The following TFPI variants were observed in gnomAD, a reference collection of about 807,000 sequenced individuals.
TFPI encodes anti-convertin.
A neutral mutation model predicts 34.6 loss-of-function variants in TFPI; 15 were observed. The ratio of observed to expected loss-of-function variants is 0.43; its 90% CI spans 0.29 to 0.67. The LOEUF is 0.67. TFPI is among the 30% of genes least tolerant of loss of function. The pLI, the probability that TFPI is intolerant of heterozygous loss-of-function variation, is 0.15. For missense variants in TFPI, 301 were observed against 364.0 expected, an observed-to-expected ratio of 0.83 and a Z score of 1.41; for synonymous variants, 105 against 120.1, an observed-to-expected ratio of 0.87 and a Z score of 0.82.
intron 1 of TFPI, among the ~76,000 whole-genome samples, chr2:187,504,595 A>G (rs1392986257): frequency 6.6e-6 from 1 of 151,906 alleles, no homozygotes; most frequent in Non-Finnish European, 1.5e-5. Flanking sequence ...AGAAAGAAGT[A>G]AGTCACCTTT....
chr2:187,488,782 C>T (rs990286569), intron 3 of TFPI, among the ~76,000 whole-genome samples: 5 of 151,350 alleles, frequency 3.3e-5, no homozygotes, highest in Non-Finnish European at 5.9e-5. Flanking sequence ...GTGAAATTAA[C>T]CAGAATTATT....
intron 3 of TFPI, among the ~76,000 whole-genome samples, chr2:187,496,108 T>C (rs1274343361): frequency 6.6e-6 from 1 of 152,184 alleles, no homozygotes; most frequent in Admixed American, 6.5e-5. Context: ...TTGAAATTTA[T>C]AACTTAGTAA....
chr2:187,514,991 C>G (rs956763610), intron 1 of TFPI: 2 of 152,244 alleles, frequency 1.3e-5, no homozygotes, highest in African/African-American at 4.8e-5. Context: ...TCGGCCCTAG[C>G]CCTGGGGCTA....
At chr2:187,550,870 C>T (rs1451373480) in intron 1 of TFPI, among the ~76,000 whole-genome samples, 1 of 151,838 alleles carries the variant, frequency 6.6e-6, no homozygotes, top group African/African-American at 2.4e-5. Context: ...GTTTTTAAGC[C>T]TTGGGAAATG....
In TFPI at chr2:187,465,037, AAAG is replaced by A. The variant is rs1337343181; in HGVS notation, c.*1896_*1898del. The stretch of plus-strand genomic sequence containing the variant: ...TACAGTGAGCATTCTTAACTAAATC[AAAG>A]TAGTCATGAAAGAAAGTACTGTTGG... On this transcript the variant is annotated 3_prime_UTR_variant, in exon 8 of 8. Transcript: ENST00000233156. 1.3e-5 allele frequency: 2 copies of A among 152,190 alleles called. No individual in the cohort carries two copies. Among genetic ancestry groups the A allele is most frequent in the African/African-American group, 4.8e-5 (2 of 41,456 alleles). The allele number at this position is 152,190 out of a possible 1,614,324, so 9.4% of individuals were successfully genotyped here.
intron 1 of TFPI, among the ~76,000 whole-genome samples, chr2:187,523,052 T>G (rs541903491): frequency 6.6e-6 from 1 of 152,138 alleles, no homozygotes; most frequent in African/African-American, 2.4e-5. Flanking sequence ...TAACAAAAAA[T>G]GTGCATGTTT....
At chr2:187,469,685 C>T (rs1275083445) in intron 6 of TFPI, among the ~76,000 whole-genome samples, 1 of 152,106 alleles carries the variant, frequency 6.6e-6, no homozygotes, top group Non-Finnish European at 1.5e-5. Context: ...TCATGTTGTA[C>T]ATTAGATCTC....
At chr2:187,511,755 T>A (rs925631115) in intron 1 of TFPI, among the ~76,000 whole-genome samples, 3 of 151,756 alleles carry the variant, frequency 2.0e-5, no homozygotes, top group Non-Finnish European at 4.4e-5. Flanking sequence ...TGGTTTTAGA[T>A]CCGCCTCACA....
At chr2:187,506,577 C>T (rs956163352) in intron 1 of TFPI, among the ~76,000 whole-genome samples, 5 of 152,120 alleles carry the variant, frequency 3.3e-5, no homozygotes, top group African/African-American at 9.7e-5. Context: ...GTTGTCATCT[C>T]TCCTTAAGTT....
At chr2:187,473,943 A>C (rs1006637327) in intron 6 of TFPI, among the ~76,000 whole-genome samples, 6 of 152,092 alleles carry the variant, frequency 3.9e-5, no homozygotes, top group Non-Finnish European at 5.9e-5. Flanking sequence ...AACTCCCTCC[A>C]CATATTAAGA....
chr2:187,524,715 G>A (rs1041180098), intron 1 of TFPI, among the ~76,000 whole-genome samples: 2 of 151,912 alleles, frequency 1.3e-5, no homozygotes, highest in African/African-American at 2.4e-5. Context: ...TTAAAATTGT[G>A]TCTTGTATTG....
chr2:187,548,453 C>G (rs1688974344), intron 1 of TFPI, among the ~76,000 whole-genome samples: 1 of 151,866 alleles, frequency 6.6e-6, no homozygotes, highest in Non-Finnish European at 1.5e-5. Context: ...TCTGAGAGAG[C>G]TGGAAAAAAG....
intron 1 of TFPI, among the ~76,000 whole-genome samples, chr2:187,536,430 A>G (rs896582400): frequency 6.6e-6 from 1 of 152,248 alleles, no homozygotes; most frequent in Admixed American, 6.5e-5. Context: ...CTGGTTCAAC[A>G]TATGCAAATC....
intron 6 of TFPI, among the ~76,000 whole-genome samples, chr2:187,482,779 G>C (rs1692969024): frequency 6.6e-6 from 1 of 151,870 alleles, no homozygotes; most frequent in Non-Finnish European, 1.5e-5. Context: ...GCTGGGTTGA[G>C]GGGGATAAGG....
chr2:187,478,565 T>A, intron 6 of TFPI: 3 of 1,380,408 alleles, frequency 2.2e-6, no homozygotes, highest in Non-Finnish European at 2.9e-6. Flanking sequence ...TGAGGTGCAG[T>A]GAGAAGACTA....
intron 2 of TFPI, among the ~76,000 whole-genome samples, chr2:187,501,438 C>A (rs955593877): frequency 6.6e-6 from 1 of 151,902 alleles, no homozygotes; most frequent in South Asian, 2.1e-4. Context: ...AGGTAACTTA[C>A]CATCTAAGAA....
intron 1 of TFPI, among the ~76,000 whole-genome samples, chr2:187,525,720 A>G (rs2106232338): frequency 6.6e-6 from 1 of 152,236 alleles, no homozygotes; most frequent in South Asian, 2.1e-4. Context: ...ACAGGAGATT[A>G]GGACACATAG....
At chr2:187,504,350 CA>C (rs2106122762) in intron 1 of TFPI, among the ~76,000 whole-genome samples, 1 of 151,992 alleles carries the variant, frequency 6.6e-6, no homozygotes, top group Non-Finnish European at 1.5e-5. Flanking sequence ...AGCAGACAGC[CA>C]AAACAGAGGA....
chr2:187,534,397 A>C (rs1423470475), intron 1 of TFPI, among the ~76,000 whole-genome samples: 1 of 152,224 alleles, frequency 6.6e-6, no homozygotes, highest in Non-Finnish European at 1.5e-5. Flanking sequence ...AAGCCAGAAG[A>C]GAGTGGGGGC....
Sources: allele counts gnomAD v4.1 joint callset (sites outside exome capture counted in the v4.1 genomes callset), GRCh38; gene constraint gnomAD v4.1.1; transcripts MANE v1.5; gene names NCBI Gene and HGNC (gene_info 2026-07-23, HGNC 2026-07-21).